POLR1A: variants seen among roughly 807,000 people sequenced by gnomAD.
POLR1A encodes the protein DNA-directed RNA polymerase I subunit RPA1.
A neutral mutation model predicts 205.3 loss-of-function variants in POLR1A; 84 were observed. The observed-to-expected ratio is 0.41, with a 90% confidence interval of 0.34 to 0.49. The LOEUF is 0.49. Ranked by LOEUF, POLR1A falls within the 20% of genes least tolerant of loss-of-function variation. POLR1A has a pLI of 0.22. For missense variants in POLR1A, 1,645 were observed against 2,204.5 expected (o/e 0.75, Z 5.08); for synonymous variants, 799 against 863.7 (o/e 0.93, Z 1.31).
chr2:86,091,923 G>A (rs1673614289), intron 3 of POLR1A, among the ~76,000 whole-genome samples: 1 of 152,086 alleles, frequency 6.6e-6, no homozygotes, highest in South Asian at 2.1e-4. Flanking sequence ...AGACCAGCCT[G>A]GCCAACATGG....
At chr2:86,077,178 A>G (rs74991970) in intron 11 of POLR1A, among the ~76,000 whole-genome samples, 300 of 152,290 alleles carry the variant, frequency 2.0e-3, no homozygotes, top group African/African-American at 6.9e-3. Context: ...CCACCTTCAC[A>G]TTACTGACAT....
At chr2:86,051,391 T>C (rs568435224) in intron 16 of POLR1A, among the ~76,000 whole-genome samples, 259 of 152,154 alleles carry the variant, frequency 1.7e-3, no homozygotes, top group Middle Eastern at 3.4e-3. Flanking sequence ...CTTTCCATGA[T>C]TAAATATATG....
chr2:86,058,612 T>G (rs1479384384), intron 14 of POLR1A, among the ~76,000 whole-genome samples: 1 of 151,054 alleles, frequency 6.6e-6, no homozygotes, highest in South Asian at 2.1e-4. Flanking sequence ...TAGAAATGTA[T>G]AATTTACTTT....
At position 86,022,941 on chromosome 2, in the gene POLR1A, C is replaced by T. The variant is rs1185815302; in HGVS notation, c.*4482G>A. The T allele has an allele frequency of 6.6e-6, 1 of 151,822 alleles. No individual in the cohort carries two copies. Among genetic ancestry groups the T allele is most frequent in the Non-Finnish European group, 1.5e-5 (1 of 67,968 alleles). 9.4% of individuals were successfully genotyped at this position (151,822 alleles called of 1,614,324 possible). ...CACTCTGTTGCCCAGGCTGGAGTGA[C>T]ATAATCTCGGCTCACTGCAACCTCC... On this transcript the variant is annotated 3_prime_UTR_variant, in exon 34 of 34. Coordinates refer to ENST00000263857, the MANE Select transcript of POLR1A (RefSeq NM_015425.6).
At chr2:86,054,319 C>A in intron 14 of POLR1A, 30 bp from the exon 15 acceptor site, 1 of 1,607,490 alleles carries the variant, frequency 6.2e-7, no homozygotes, top group Non-Finnish European at 8.5e-7. Context: ...AAACTGATGG[C>A]AAAAAGAAAA....
chr2:86,053,088 T>C, intron 15 of POLR1A, 88 bp from the exon 16 acceptor site: 1 of 972,754 alleles, frequency 1.0e-6, no homozygotes. Context: ...TGACCCTCGT[T>C]GTGCAAGTCC....
chr2:86,052,084 A>C (rs977235181), intron 16 of POLR1A, among the ~76,000 whole-genome samples: 4 of 152,166 alleles, frequency 2.6e-5, no homozygotes, highest in Non-Finnish European at 5.9e-5. Flanking sequence ...AGCTGGGATT[A>C]CAGGTGCTTG....
intron 12 of POLR1A, among the ~76,000 whole-genome samples, chr2:86,071,058 C>T (rs1387538568): frequency 6.7e-6 from 1 of 150,288 alleles, no homozygotes; most frequent in Non-Finnish European, 1.5e-5. Flanking sequence ...TGTATCCACA[C>T]TATGGAATAT....
Position 86,027,106 on chromosome 2 carries a change from T to TA in POLR1A, c.*316dup. 2 of 389,816 alleles carry TA rather than the reference T, an allele frequency of 5.1e-6. No homozygotes were observed. Among genetic ancestry groups the TA allele is most frequent in the Non-Finnish European group, 9.6e-6 (2 of 208,532 alleles). The allele number at this position is 389,816 out of a possible 1,614,324, so 24.1% of individuals were successfully genotyped here. A position where few individuals can be genotyped will look rare whatever the true frequency, so the allele number is the denominator to read the frequency against. On this transcript the variant is annotated 3_prime_UTR_variant, in exon 34 of 34. Transcript: ENST00000263857. Reference sequence around the variant, plus strand: ...TGAATCGTGAATCAGGACTTCTCCTTAGGGGTTATGCCACAGAGGCCTCCT... The same window carrying TA: ...TGAATCGTGAATCAGGACTTCTCCTTAAGGGGTTATGCCACAGAGGCCTCCT...
In POLR1A at chr2:86,039,590, T is replaced by C. The variant is rs572722499; in HGVS notation, c.3741-128A>G. The C allele has an allele frequency of 2.7e-6, 3 of 1,102,586 alleles. No homozygotes were observed. In the Admixed American group the frequency reaches 5.9e-5, roughly 22 times the overall value. 68.3% of individuals were successfully genotyped at this position (1,102,586 alleles called of 1,614,324 possible). ...AGGCCTGGGGATCTCACAGGGATAA[T>C]ATGCTAGATCAGAGAATCCCAGCTC... is the stretch of plus-strand genomic sequence containing the variant. On this transcript the variant is annotated intron_variant, in intron 25 of 33. Coordinates refer to ENST00000263857, the MANE Select transcript of POLR1A (RefSeq NM_015425.6).
intron 33 of POLR1A, 95 bp downstream of exon 33, chr2:86,027,790 G>C: frequency 7.2e-7 from 1 of 1,382,578 alleles, no homozygotes; most frequent in Non-Finnish European, 1.0e-6. Flanking sequence ...GATCCCACTG[G>C]TGTGCAAGGA....
At chr2:86,082,956 C>A in intron 7 of POLR1A, 126 bp downstream of exon 7, 2 of 705,876 alleles carry the variant, frequency 2.8e-6, no homozygotes, top group Admixed American at 4.8e-5. Flanking sequence ...CCCCAAACCT[C>A]TGGATCAGTT....
At position 86,105,815 on chromosome 2, in the gene POLR1A, G is replaced by A. The variant is rs769842556; in HGVS notation, c.-39C>T. On this transcript the variant is annotated 5_prime_UTR_variant, in exon 1 of 34. In the 5' UTR this introduces an upstream ATG that the reference lacks. Transcript: ENST00000263857. ...TTTGAATTCCGACACCCCAAGAGAC[G>A]TTCCACTCACCACCTGACTATTCTT... The A allele has an allele frequency of 2.0e-6, 3 of 1,513,732 alleles. No homozygotes were observed. The highest frequency in any genetic ancestry group is 1.7e-5 in the Admixed American group (1 of 59,704). 93.8% of individuals were successfully genotyped at this position (1,513,732 alleles called of 1,614,324 possible). A position where few individuals can be genotyped will look rare whatever the true frequency, so the allele number is the denominator to read the frequency against.
intron 21 of POLR1A, 57 bp from the exon 22 acceptor site, chr2:86,044,361 T>A (rs542314851): frequency 6.3e-7 from 1 of 1,593,746 alleles, no homozygotes; most frequent in South Asian, 1.1e-5. Flanking sequence ...CAGGGCAGCC[T>A]CTGATGAGGG....
At chr2:86,041,190 T>TGTGTGTGTGCACGCGCGC (rs1212728761) in intron 24 of POLR1A, among the ~76,000 whole-genome samples, 1 of 41,926 alleles carries the variant, frequency 2.4e-5, no homozygotes, top group African/African-American at 7.0e-5. Context: ...TGTGTGTGTG[T>TGTGTGTGTGCACGCGCGC]GCGCGCTGAG....
At chr2:86,033,573 C>T in intron 28 of POLR1A, 88 bp downstream of exon 28, 1 of 1,436,886 alleles carries the variant, frequency 7.0e-7, no homozygotes, top group Admixed American at 2.0e-5. Flanking sequence ...CAGGATGGGG[C>T]TGGAGGAGCA....
intron 3 of POLR1A, among the ~76,000 whole-genome samples, chr2:86,096,211 G>T (rs1212357011): frequency 6.6e-6 from 1 of 152,000 alleles, no homozygotes; most frequent in Non-Finnish European, 1.5e-5. Flanking sequence ...AAATACCTAG[G>T]AATAAATTTA....
chr2:86,042,562 G>A (rs1376955626), intron 23 of POLR1A, among the ~76,000 whole-genome samples: 1 of 152,214 alleles, frequency 6.6e-6, no homozygotes, highest in African/African-American at 2.4e-5. Context: ...CCAGCTCCCA[G>A]GTGTGCTTGG....
intron 14 of POLR1A, among the ~76,000 whole-genome samples, chr2:86,056,321 G>A (rs1205547102): frequency 2.0e-5 from 3 of 151,956 alleles, no homozygotes; most frequent in African/African-American, 4.8e-5. Context: ...GCATGGTGGC[G>A]GGTGCCTGTT....
Sources: allele counts gnomAD v4.1 joint callset (sites outside exome capture counted in the v4.1 genomes callset), GRCh38; gene constraint gnomAD v4.1.1; transcripts MANE v1.5; gene names NCBI Gene and HGNC (gene_info 2026-07-23, HGNC 2026-07-21).